The following PDZRN3 variants were observed in gnomAD, a reference collection of about 807,000 sequenced individuals.
PDZRN3 encodes the protein E3 ubiquitin-protein ligase PDZRN3.
Under a neutral mutation model 85.7 loss-of-function variants are expected in PDZRN3, and 38 were observed. The ratio of observed to expected loss-of-function variants is 0.44; its 90% CI spans 0.34 to 0.58. The LOEUF is 0.58. PDZRN3 is among the 20% of genes least tolerant of loss of function. The pLI is 0.01. For missense variants in PDZRN3, 1,629 were observed against 1,506.4 expected (o/e 1.08, Z -1.35); for synonymous variants, 759 against 638.0 (o/e 1.19, Z -2.86).
At chr3:73,584,355 C>A (rs953446798) in intron 3 of PDZRN3, among the ~76,000 whole-genome samples, 4 of 151,990 alleles carry the variant, frequency 2.6e-5, no homozygotes, top group Admixed American at 6.6e-5. Flanking sequence ...GACAGACAGA[C>A]CCTTTCACTT....
chr3:73,565,394 C>A (rs1701924498), intron 3 of PDZRN3, among the ~76,000 whole-genome samples: 2 of 152,004 alleles, frequency 1.3e-5, no homozygotes, highest in East Asian at 3.9e-4. Flanking sequence ...TCCCAAAATG[C>A]TGGGATTACA....
intron 3 of PDZRN3, among the ~76,000 whole-genome samples, chr3:73,423,055 C>T (rs1702234717): frequency 6.6e-6 from 1 of 152,142 alleles, no homozygotes; most frequent in Admixed American, 6.5e-5. Context: ...ACAAGTTATT[C>T]CTGCCAGTCA....
intron 3 of PDZRN3, among the ~76,000 whole-genome samples, chr3:73,460,224 C>A (rs1575668839): frequency 6.6e-6 from 1 of 152,152 alleles, no homozygotes; most frequent in East Asian, 1.9e-4. Flanking sequence ...AGAAAAAAGT[C>A]TGAGCGAAAG....
chr3:73,595,379 G>A (rs890049354), intron 3 of PDZRN3, among the ~76,000 whole-genome samples: 1 of 152,126 alleles, frequency 6.6e-6, no homozygotes, highest in African/African-American at 2.4e-5. Context: ...TGCTGAATAT[G>A]GTAAATGGGG....
In PDZRN3 at chr3:73,487,037, A is replaced by C. The variant is rs1009443767; in HGVS notation, c.919-82642T>G. On this transcript the variant is annotated intron_variant, in intron 3 of 9. Transcript: ENST00000263666. ...CCCAATAAATTAGTTAAGACATCTA[A>C]ATATTCAAAACTTCTCATCTACATG... is the stretch of plus-strand genomic sequence containing the variant. Among the ~76,000 whole-genome samples, 4 of 152,288 alleles carry C rather than the reference A, an allele frequency of 2.6e-5. No homozygotes were observed. The South Asian group carries it at 6.2e-4, about 24-fold the overall frequency.
chr3:73,619,184 C>T lies in PDZRN3; in HGVS notation c.723+4919G>A, dbSNP rs144789677. ...CGGAGAAACTCATTCTTTTTAAACA[C>T]GAGCCCACTTTTGGTTAGCAACCTG... On this transcript the variant is annotated intron_variant, in intron 1 of 9. Transcript: ENST00000263666. 9.9e-5 allele frequency among the ~76,000 whole-genome samples: 15 copies of T among 152,248 alleles called. No homozygotes were observed. The East Asian group carries it at 1.2e-3, about 12-fold the overall frequency.
At chr3:73,505,251 T>C (rs991061983) in intron 3 of PDZRN3, among the ~76,000 whole-genome samples, 4 of 152,230 alleles carry the variant, frequency 2.6e-5, no homozygotes, top group African/African-American at 9.6e-5. Context: ...ACTTCTGATA[T>C]GAAATTACCC....
At position 73,383,511 on chromosome 3, in the gene PDZRN3, C is replaced by T. The variant is rs146957114; in HGVS notation, c.3055G>A (p.Glu1019Lys). The T allele has an allele frequency of 4.7e-5, 76 of 1,614,002 alleles. No homozygotes were observed. Among genetic ancestry groups the T allele is most frequent in the Non-Finnish European group, 6.4e-5 (75 of 1,180,036 alleles). Residue 1019 changes from glutamate to lysine, a missense_variant, in exon 10 of 10, where the codon GAA (glutamate) becomes AAA (lysine). Coordinates refer to ENST00000263666, the MANE Select transcript of PDZRN3 (RefSeq NM_015009.3). ...TTCATCATCTTTTTGTGGCTCAGTT[C>T]GAGAATGTTCATCTCCTTCCTGTCA... ...ADDRKEMNIL[E>K]LSHKKMMKKR...
intron 3 of PDZRN3, among the ~76,000 whole-genome samples, chr3:73,516,265 T>C (rs1272116562): frequency 1.3e-5 from 2 of 152,254 alleles, no homozygotes; most frequent in African/African-American, 4.8e-5. Context: ...TTATGGAATT[T>C]ATAAGCCAGA....
chr3:73,457,909 C>A (rs1401789371), intron 3 of PDZRN3, among the ~76,000 whole-genome samples: 1 of 152,180 alleles, frequency 6.6e-6, no homozygotes, highest in Non-Finnish European at 1.5e-5. Flanking sequence ...GCCTCCAGAA[C>A]TGCAAGAAGT....
At chr3:73,426,208 CATA>C (rs768013948) in intron 3 of PDZRN3, among the ~76,000 whole-genome samples, 5 of 151,322 alleles carry the variant, frequency 3.3e-5, no homozygotes. Flanking sequence ...ATAATGTATA[CATA>C]ATATTTATCA....
intron 3 of PDZRN3, among the ~76,000 whole-genome samples, chr3:73,530,473 G>A (rs1704626830): frequency 6.6e-6 from 1 of 152,076 alleles, no homozygotes; most frequent in Non-Finnish European, 1.5e-5. Context: ...GGCAATTCTT[G>A]GCGCTTTGAG....
At chr3:73,570,374 A>G (rs1187105291) in intron 3 of PDZRN3, among the ~76,000 whole-genome samples, 1 of 152,230 alleles carries the variant, frequency 6.6e-6, no homozygotes, top group Non-Finnish European at 1.5e-5. Flanking sequence ...AATTACCGGC[A>G]TATTTCACTT....
At chr3:73,420,718 C>A (rs1483175982) in intron 3 of PDZRN3, among the ~76,000 whole-genome samples, 1 of 152,180 alleles carries the variant, frequency 6.6e-6, no homozygotes, top group Non-Finnish European at 1.5e-5. Flanking sequence ...AGCCTGGCTG[C>A]CCCCACCTTC....
intron 3 of PDZRN3, among the ~76,000 whole-genome samples, chr3:73,479,093 G>C (rs933695510): frequency 6.6e-6 from 1 of 152,144 alleles, no homozygotes; most frequent in Non-Finnish European, 1.5e-5. Context: ...CCTGAATCCT[G>C]TTCTACCTTC....
intron 1 of PDZRN3, among the ~76,000 whole-genome samples, chr3:73,622,322 C>G (rs1031455401): frequency 2.0e-5 from 3 of 152,052 alleles, no homozygotes; most frequent in Non-Finnish European, 2.9e-5. Context: ...CTGGTGTGCA[C>G]GTAAGGAAAG....
intron 3 of PDZRN3, among the ~76,000 whole-genome samples, chr3:73,404,732 T>C (rs1009795342): frequency 3.9e-5 from 6 of 152,256 alleles, no homozygotes; most frequent in East Asian, 3.8e-4. Context: ...CAGGCAATAA[T>C]AGCTAACTAG....
rs560681472 is a variant in PDZRN3, at chr3:73,491,264, GC to G, written c.919-86870del. 5.3e-3 allele frequency among the ~76,000 whole-genome samples: 800 copies of G among 152,266 alleles called. 4 individuals are homozygous for G. The highest frequency in any genetic ancestry group is 0.018 in the African/African-American group (750 of 41,548). On this transcript the variant is annotated intron_variant, in intron 3 of 9. Transcript: ENST00000263666. Reference sequence around the variant, plus strand: ...TACTTCAGGGAGTGTACTAAGATTAGCCTATAAATGACTCAATGGTTCACCA... The same window carrying G: ...TACTTCAGGGAGTGTACTAAGATTAGCTATAAATGACTCAATGGTTCACCA...
At chr3:73,443,733 A>G (rs1702693570) in intron 3 of PDZRN3, among the ~76,000 whole-genome samples, 2 of 151,464 alleles carry the variant, frequency 1.3e-5, no homozygotes, top group Non-Finnish European at 2.9e-5. Context: ...GCCTCAAGCG[A>G]TGTTCCTGTC....
Sources: gnomAD v4.1 joint callset for allele counts (sites outside exome capture counted in the v4.1 genomes callset) on GRCh38, gnomAD v4.1.1 for gene constraint, MANE v1.5 for transcripts, NCBI Gene and HGNC (gene_info 2026-07-23, HGNC 2026-07-21) for gene names.